Variants in PARD3 observed in about 807,000 individuals in gnomAD.
PARD3 encodes partitioning defective 3 homolog.
In PARD3, 75 loss-of-function variants were observed where a neutral mutation model predicts 155.4. That is an observed-to-expected ratio of 0.48 (90% CI 0.40 to 0.58). PARD3 has a LOEUF of 0.58. Among genes scored for constraint, PARD3 ranks in the 20% least tolerant of loss-of-function variants. The pLI is 0.00. For missense variants in PARD3, 1,642 were observed against 1,721.7 expected (o/e 0.95, Z 0.82); for synonymous variants, 576 against 610.5 (o/e 0.94, Z 0.83).
At chr10:34,797,563 T>C (rs1307726899) in intron 1 of PARD3, among the ~76,000 whole-genome samples, 4 of 152,322 alleles carry the variant, frequency 2.6e-5, no homozygotes, top group South Asian at 4.1e-4. Context: ...TGTGTATCCA[T>C]AAACAAGCTC....
intron 22 of PARD3, among the ~76,000 whole-genome samples, chr10:34,170,495 G>A (rs1470044944): frequency 6.6e-6 from 1 of 152,180 alleles, no homozygotes; most frequent in Non-Finnish European, 1.5e-5. Flanking sequence ...CTACCCTGGG[G>A]AAGACTGGCA....
intron 2 of PARD3, among the ~76,000 whole-genome samples, chr10:34,545,429 T>G (rs1785463612): frequency 6.6e-6 from 1 of 152,184 alleles, no homozygotes; most frequent in East Asian, 1.9e-4. Flanking sequence ...TATAAACATT[T>G]GGACATGGTA....
At chr10:34,497,845 T>G (rs1252338632) in intron 3 of PARD3, among the ~76,000 whole-genome samples, 1 of 152,156 alleles carries the variant, frequency 6.6e-6, no homozygotes. Flanking sequence ...GCAGTGTGAT[T>G]TTTTCCATCT....
intron 22 of PARD3, among the ~76,000 whole-genome samples, chr10:34,173,111 A>G (rs945469895): frequency 2.0e-5 from 3 of 152,188 alleles, no homozygotes; most frequent in South Asian, 2.1e-4. Flanking sequence ...GCAGGCATTA[A>G]TTTTGCACAT....
chr10:34,417,595 C>T lies in PARD3; in HGVS notation c.715-15678G>A, dbSNP rs559307343. The stretch of plus-strand genomic sequence containing the variant: ...ATTTTCAAAATAAAGAAAATAATTT[C>T]GATTGTTTGGGTTTATTTTGAACTT... On this transcript the variant is annotated intron_variant, in intron 5 of 24. Coordinates refer to ENST00000374788, the MANE Select transcript of PARD3 (RefSeq NM_001184785.2). Among the ~76,000 whole-genome samples, 107 of 152,004 alleles carry T rather than the reference C, an allele frequency of 7.0e-4. 1 individual carries two copies. In the South Asian group the frequency reaches 7.1e-3, roughly 10 times the overall value.
At chr10:34,513,221 G>C (rs2081503804) in intron 3 of PARD3, among the ~76,000 whole-genome samples, 1 of 152,092 alleles carries the variant, frequency 6.6e-6, no homozygotes, top group African/African-American at 2.4e-5. Flanking sequence ...GAAGGAAATA[G>C]TATGCATCTA....
intron 1 of PARD3, among the ~76,000 whole-genome samples, chr10:34,721,374 A>G (rs2094604144): frequency 6.6e-6 from 1 of 152,224 alleles, no homozygotes; most frequent in African/African-American, 2.4e-5. Context: ...GCTATGTGAA[A>G]AGAAGAAAAA....
intron 2 of PARD3, among the ~76,000 whole-genome samples, chr10:34,692,634 G>T (rs757894270): frequency 5.3e-5 from 8 of 152,220 alleles, no homozygotes; most frequent in Non-Finnish European, 1.2e-4. Flanking sequence ...TAGCACTTTG[G>T]GAGGCCAAGG....
At chr10:34,308,248 C>T (rs547638518) in intron 20 of PARD3, among the ~76,000 whole-genome samples, 1 of 152,050 alleles carries the variant, frequency 6.6e-6, no homozygotes, top group African/African-American at 2.4e-5. Context: ...GGGGGTTGAA[C>T]AGAGGAGGGA....
chr10:34,419,087 A>G (rs945537497), intron 5 of PARD3, among the ~76,000 whole-genome samples: 3 of 152,140 alleles, frequency 2.0e-5, no homozygotes, highest in African/African-American at 7.2e-5. Context: ...AGAATTTTTA[A>G]TAAAAGACAT....
At chr10:34,204,598 G>C (rs2133360431) in intron 22 of PARD3, among the ~76,000 whole-genome samples, 1 of 152,222 alleles carries the variant, frequency 6.6e-6, no homozygotes, top group East Asian at 1.9e-4. Context: ...CACAGACAAG[G>C]AATGAATCTC....
intron 1 of PARD3, 44 bp downstream of exon 1, chr10:34,814,832 T>TGCC: frequency 2.8e-5 from 34 of 1,202,274 alleles, no homozygotes; most frequent in East Asian, 6.0e-5. Flanking sequence ...CCCGGCGCCG[T>TGCC]CCCCGCCGCC....
At chr10:34,436,186 T>C (rs1010606185) in intron 5 of PARD3, among the ~76,000 whole-genome samples, 3 of 152,196 alleles carry the variant, frequency 2.0e-5, no homozygotes, top group African/African-American at 7.2e-5. Context: ...TGCTAAAGAA[T>C]TGAACTCAAT....
chr10:34,572,246 C>G (rs2086473026), intron 2 of PARD3, among the ~76,000 whole-genome samples: 1 of 152,084 alleles, frequency 6.6e-6, no homozygotes, highest in African/African-American at 2.4e-5. Context: ...GTGGCTCACA[C>G]CTGAAATCCC....
At chr10:34,660,031 G>C (rs145212066) in intron 2 of PARD3, among the ~76,000 whole-genome samples, 151 of 152,230 alleles carry the variant, frequency 9.9e-4, no homozygotes, top group Admixed American at 1.9e-3. Flanking sequence ...ATTTAACTTT[G>C]TGGAAGGCAG....
At chr10:34,243,895 A>G (rs1277111870) in intron 22 of PARD3, among the ~76,000 whole-genome samples, 1 of 152,220 alleles carries the variant, frequency 6.6e-6, no homozygotes, top group African/African-American at 2.4e-5. Context: ...AGTCACTATG[A>G]CAAATGTTTT....
chr10:34,183,406 G>C (rs1294774046), intron 22 of PARD3, among the ~76,000 whole-genome samples: 3 of 152,146 alleles, frequency 2.0e-5, no homozygotes, highest in African/African-American at 7.2e-5. Context: ...TCTTGATAAG[G>C]GTTTTTCGTT....
chr10:34,336,131 G>T, intron 18 of PARD3, 68 bp downstream of exon 18: 1 of 1,126,310 alleles, frequency 8.9e-7, no homozygotes, highest in Non-Finnish European at 1.4e-6. Flanking sequence ...ATGATTGGCA[G>T]CTCTATAATT....
intron 5 of PARD3, among the ~76,000 whole-genome samples, chr10:34,411,179 G>T (rs1165075088): frequency 6.6e-6 from 1 of 152,074 alleles, no homozygotes; most frequent in Non-Finnish European, 1.5e-5. Context: ...TAGGGAGACA[G>T]ACAAAAAGAC....
Sources: allele counts gnomAD v4.1 joint callset (sites outside exome capture counted in the v4.1 genomes callset), GRCh38; gene constraint gnomAD v4.1.1; transcripts MANE v1.5; gene names NCBI Gene and HGNC (gene_info 2026-07-23, HGNC 2026-07-21).